Variants in SSC4D observed in about 807,000 individuals in gnomAD.
The protein encoded by SSC4D is scavenger receptor cysteine rich family member with 4 domains.
A neutral mutation model predicts 63.4 loss-of-function variants in SSC4D; 57 were observed. The observed-to-expected ratio is 0.90, with a 90% CI of 0.73 to 1.12. SSC4D has a LOEUF of 1.12. Among genes scored for constraint, SSC4D ranks in the 50% most tolerant of loss-of-function variants. The pLI is 0.00. For synonymous variants in SSC4D, 352 were observed against 345.4 expected (o/e 1.02, Z -0.21); for missense variants, 791 against 806.4 (o/e 0.98, Z 0.23).
rs190681385 is a variant in SSC4D, at chr7:76,400,496, C to G, written c.265G>C (p.Val89Leu). 8 of 1,600,462 alleles carry G rather than the reference C, an allele frequency of 5.0e-6. No individual in the cohort carries two copies. In the African/African-American group the frequency reaches 1.1e-4, roughly 21 times the overall value. The change falls in exon 4 of 11, where the codon GTG becomes CTG. Residue 89 changes from valine (V) to leucine (L), a missense_variant. Physicochemically the swap from Val to Leu is conservative, Grantham distance 32. Coordinates refer to ENST00000275560, the MANE Select transcript of SSC4D (RefSeq NM_080744.2). ...CGACACACTACGTTGGCGTCCACCA[C>G]GTCCCAGTCGTCATCACAGACGCTG... ...WGSVCDDDWD[V>L]VDANVVCRQL...
chr7:76,390,362 C>A lies in SSC4D; in HGVS notation c.1425G>T (p.Leu475=). 4 of 1,590,554 alleles carry A rather than the reference C, an allele frequency of 2.5e-6. No individual in the cohort carries two copies. Among genetic ancestry groups the A allele is most frequent in the Non-Finnish European group, 3.4e-6 (4 of 1,166,864 alleles). ...CCTCGCATCGGTGGGCTCCATTGAC[C>A]AGACGTAGATGCCCTGTGGGGGGAC... ...TPRPRDGHLR[L]VNGAHRCEGR... is the part of the protein sequence containing the mutation. The change falls in exon 11 of 11, where the codon CTG becomes CTT. Residue 475 remains leucine (L), a synonymous_variant. Transcript: ENST00000275560.
intron 7 of SSC4D, 22 bp downstream of exon 7, chr7:76,395,231 C>T (rs753567479): frequency 6.2e-7 from 1 of 1,613,324 alleles, no homozygotes; most frequent in South Asian, 1.1e-5. Flanking sequence ...ACCATTCCCG[C>T]CTGGAGGGCT....
At chr7:76,391,382 G>A (rs141707175) in intron 10 of SSC4D, among the ~76,000 whole-genome samples, 395 of 152,070 alleles carry the variant, frequency 2.6e-3, no homozygotes, top group African/African-American at 9.1e-3. Flanking sequence ...TGGAGGTTGC[G>A]CCACTGCACT....
rs564688696 is a variant in SSC4D, at chr7:76,404,995, G to A, written c.-66-490C>T. On this transcript the variant is annotated intron_variant, in intron 1 of 10. Transcript: ENST00000275560. The stretch of plus-strand genomic sequence containing the variant: ...TGAGGCAGGAGAATCTCTTGAACCC[G>A]GGAGGTAGAAGTTGCAGTGAGCTGA... Among the ~76,000 whole-genome samples, 10 of 151,484 alleles carry A rather than the reference G, an allele frequency of 6.6e-5. No homozygotes were observed. In the East Asian group the frequency reaches 7.9e-4, roughly 12 times the overall value.
At chr7:76,392,754 C>T (rs1160645217) in intron 9 of SSC4D, among the ~76,000 whole-genome samples, 2 of 151,626 alleles carry the variant, frequency 1.3e-5, no homozygotes, top group East Asian at 1.9e-4. Flanking sequence ...GATCGTGCCA[C>T]TGCAGCCCAG....
chr7:76,402,182 A>ATTTTTTTTTTTTT, intron 2 of SSC4D, among the ~76,000 whole-genome samples: 1 of 127,234 alleles, frequency 7.9e-6, no homozygotes, highest in Non-Finnish European at 1.7e-5. Flanking sequence ...CTGCCCAGCT[A>ATTTTTTTTTTTTT]TTTTTTTTTT....
intron 1 of SSC4D, among the ~76,000 whole-genome samples, chr7:76,404,971 G>A (rs1804952199): frequency 6.6e-6 from 1 of 151,704 alleles, no homozygotes. Flanking sequence ...TCGGGAAGCT[G>A]AGGCAGGAGA....
At chr7:76,395,180 G>T in intron 7 of SSC4D, 73 bp downstream of exon 7, 1 of 1,567,754 alleles carries the variant, frequency 6.4e-7, no homozygotes, top group South Asian at 1.1e-5. Flanking sequence ...TGTGAATCCA[G>T]AACATTCTTC....
intron 7 of SSC4D, among the ~76,000 whole-genome samples, chr7:76,394,335 C>A (rs55950274): frequency 6.6e-6 from 1 of 151,800 alleles, no homozygotes; most frequent in Non-Finnish European, 1.5e-5. Context: ...GCCTAGAACT[C>A]CTGGCCTCAA....
chr7:76,405,564 C>CT (rs1406265962), intron 1 of SSC4D, among the ~76,000 whole-genome samples: 4 of 151,092 alleles, frequency 2.6e-5, no homozygotes, highest in Non-Finnish European at 5.9e-5. Context: ...AGGAGGATCA[C>CT]TTGCACCAAG....
chr7:76,393,283 G>A, intron 9 of SSC4D, 122 bp downstream of exon 9: 1 of 1,059,210 alleles, frequency 9.4e-7, no homozygotes, highest in Non-Finnish European at 1.2e-6. Context: ...CCCCTCTGCG[G>A]AGTGCGCATG....
chr7:76,395,297 G>C lies in SSC4D; in HGVS notation c.902C>G (p.Ser301Cys). Reference sequence around the variant, plus strand: ...AGCCCAGTCCTCTCTTGTGGCTGAGGATGGCAGTGCTGTGAGCGTTGGGGG... The same window carrying C: ...AGCCCAGTCCTCTCTTGTGGCTGAGCATGGCAGTGCTGTGAGCGTTGGGGG... ...LGPPTLTALP[S>C]SATREDWAWQ... Residue 301 changes from serine to cysteine, a missense_variant, in exon 7 of 11, where the codon TCC becomes TGC. Ser to Cys is a moderately radical substitution (Grantham distance 112). Transcript: ENST00000275560. The C allele has an allele frequency of 6.2e-7, 1 of 1,613,932 alleles. No homozygotes were observed. Among genetic ancestry groups the C allele is most frequent in the Non-Finnish European group, 8.5e-7 (1 of 1,180,038 alleles).
chr7:76,405,521 G>T (rs1172680669), intron 1 of SSC4D, among the ~76,000 whole-genome samples: 4 of 150,214 alleles, frequency 2.7e-5, no homozygotes, highest in Non-Finnish European at 5.9e-5. Context: ...GGTGACACAT[G>T]TCTGTAGCTG....
At chr7:76,392,834 C>T (rs1051307999) in intron 9 of SSC4D, among the ~76,000 whole-genome samples, 1 of 151,998 alleles carries the variant, frequency 6.6e-6, no homozygotes, top group Non-Finnish European at 1.5e-5. Flanking sequence ...CCTCTCCAAA[C>T]CTTGGCCCCA....
At chr7:76,396,417 G>A (rs1362610270) in intron 6 of SSC4D, among the ~76,000 whole-genome samples, 1 of 152,248 alleles carries the variant, frequency 6.6e-6, no homozygotes, top group Non-Finnish European at 1.5e-5. Context: ...ATACTTGAAA[G>A]TAAATAGAAT....
intron 1 of SSC4D, among the ~76,000 whole-genome samples, chr7:76,407,021 C>T (rs1805056791): frequency 6.6e-6 from 1 of 152,118 alleles, no homozygotes; most frequent in South Asian, 2.1e-4. Context: ...AGTGCAGTGG[C>T]CTGATCTCAG....
intron 4 of SSC4D, among the ~76,000 whole-genome samples, chr7:76,399,219 G>A (rs1019770168): frequency 2.1e-4 from 32 of 152,078 alleles, no homozygotes; most frequent in Non-Finnish European, 4.1e-4. Flanking sequence ...CACCATGTTG[G>A]TCAGGCTGGT....
At chr7:76,399,410 A>T (rs1804741560) in intron 4 of SSC4D, among the ~76,000 whole-genome samples, 1 of 152,118 alleles carries the variant, frequency 6.6e-6, no homozygotes, top group Admixed American at 6.6e-5. Context: ...AAACTCTGGG[A>T]TTGGGCCTCA....
intron 5 of SSC4D, among the ~76,000 whole-genome samples, 186 bp downstream of exon 5, chr7:76,398,534 A>G (rs913554229): frequency 6.6e-6 from 1 of 151,396 alleles, no homozygotes; most frequent in Non-Finnish European, 1.5e-5. Context: ...GGAGCTCCCA[A>G]CCTCAAGTGA....
Sources: allele counts gnomAD v4.1 joint callset (sites outside exome capture counted in the v4.1 genomes callset), GRCh38; gene constraint gnomAD v4.1.1; transcripts MANE v1.5; gene names NCBI Gene and HGNC (gene_info 2026-07-23, HGNC 2026-07-21).